SHLD1: variants seen among roughly 807,000 people sequenced by gnomAD.
The protein encoded by SHLD1 is RINN1-REV7-interacting novel NHEJ regulator 3.
Under a neutral mutation model 5.5 loss-of-function variants are expected in SHLD1, and 3 were observed. That is an observed-to-expected ratio of 0.54 (90% confidence interval 0.25 to 1.40). The LOEUF is 1.40. Among genes scored for constraint, SHLD1 ranks in the 40% most tolerant of loss-of-function variants. The pLI is 0.15. For missense variants in SHLD1, 210 were observed against 244.4 expected (o/e 0.86, Z 0.94); for synonymous variants, 92 against 94.3 (o/e 0.98, Z 0.14).
chr20:5,770,443 T>C (rs989979807), intron 1 of SHLD1, among the ~76,000 whole-genome samples: 1 of 152,214 alleles, frequency 6.6e-6, no homozygotes, highest in African/African-American at 2.4e-5. Flanking sequence ...ATGAAAGTTC[T>C]TCCAGTTCCT....
chr20:5,864,270 A>C lies in SHLD1; in HGVS notation c.*807A>C, dbSNP rs1463809481. Reference sequence around the variant, plus strand: ...GTCTTTTATCAGATTGCAAACGTGAAAGGTGAGAAGGTAACAAATGTGCAC... The same window carrying C: ...GTCTTTTATCAGATTGCAAACGTGACAGGTGAGAAGGTAACAAATGTGCAC... On this transcript the variant is annotated 3_prime_UTR_variant, in exon 3 of 3. Coordinates refer to ENST00000303142, the MANE Select transcript of SHLD1 (RefSeq NM_152504.4). Among the ~76,000 whole-genome samples, 1 of 152,250 alleles carries C rather than the reference A, an allele frequency of 6.6e-6. No individual in the cohort carries two copies.
chr20:5,784,974 A>G (rs139777450), intron 2 of SHLD1, among the ~76,000 whole-genome samples: 180 of 152,334 alleles, frequency 1.2e-3, no homozygotes, highest in African/African-American at 4.0e-3. Flanking sequence ...TGCCGAGTCC[A>G]GGTGCACAGC....
chr20:5,855,947 ACT>A lies in SHLD1; in HGVS notation c.179-7074_179-7073del, dbSNP rs2088077487. Among the ~76,000 whole-genome samples, 1 of 151,612 alleles carries A rather than the reference ACT, an allele frequency of 6.6e-6. No individual in the cohort carries two copies. The highest frequency in any genetic ancestry group is 2.1e-4 in the South Asian group (1 of 4,784). Reference sequence around the variant, plus strand: ...TCCCAGTCACTGCTGATTTCCCCATACTCTTTTTCCTCTGCTATAGTCACTAG... The same window carrying A: ...TCCCAGTCACTGCTGATTTCCCCATACTTTTTCCTCTGCTATAGTCACTAG... On this transcript the variant is annotated intron_variant, in intron 2 of 2. Coordinates refer to ENST00000303142, the MANE Select transcript of SHLD1 (RefSeq NM_152504.4). This position sits in a 1 kb window ranked among gnomAD's most constrained non-coding sequence, Gnocchi z 4.4.
chr20:5,775,217 T>A (rs1324001031), intron 2 of SHLD1, among the ~76,000 whole-genome samples: 5 of 151,896 alleles, frequency 3.3e-5, no homozygotes, highest in Non-Finnish European at 2.9e-5. Context: ...TTTTTTTTAA[T>A]TTTTTTGTAG....
intron 2 of SHLD1, among the ~76,000 whole-genome samples, chr20:5,851,240 A>G (rs2088004839): frequency 6.6e-6 from 1 of 152,190 alleles, no homozygotes; most frequent in South Asian, 2.1e-4. Context: ...AATCTCAGCT[A>G]CTTGGGAGCC....
chr20:5,816,379 G>T (rs934304184), intron 2 of SHLD1, among the ~76,000 whole-genome samples: 1 of 152,170 alleles, frequency 6.6e-6, no homozygotes, highest in Admixed American at 6.5e-5. Flanking sequence ...GCGTATATTC[G>T]GGGTTTGCCA....
intron 2 of SHLD1, among the ~76,000 whole-genome samples, chr20:5,792,177 G>A (rs1278468769): frequency 1.3e-5 from 2 of 151,986 alleles, no homozygotes; most frequent in South Asian, 4.1e-4. Flanking sequence ...TGTTGATTAT[G>A]TCCTTTGATG....
intron 2 of SHLD1, among the ~76,000 whole-genome samples, chr20:5,843,291 T>C (rs1476429104): frequency 6.6e-5 from 8 of 121,024 alleles, no homozygotes; most frequent in African/African-American, 3.5e-4. Flanking sequence ...TCAATTGTTT[T>C]TTTCTTTTTT....
chr20:5,764,186 ATATATTT>A (rs1984682518), intron 1 of SHLD1, among the ~76,000 whole-genome samples: 1 of 52,830 alleles, frequency 1.9e-5, no homozygotes. Flanking sequence ...TTTTATATAT[ATATATTT>A]TATATATATA....
chr20:5,823,052 T>G (rs1293153705), intron 2 of SHLD1, among the ~76,000 whole-genome samples: 1 of 130,554 alleles, frequency 7.7e-6, no homozygotes, highest in Non-Finnish European at 1.6e-5. Flanking sequence ...GGAACTGTGG[T>G]GTCTTTTGTC....
Position 5,831,091 on chromosome 20 carries a change from G to A in SHLD1, c.179-31933G>A, listed in dbSNP as rs76377455. Among the ~76,000 whole-genome samples, 794 of 152,296 alleles carry A rather than the reference G, an allele frequency of 5.2e-3. 2 individuals carry two copies. Among genetic ancestry groups the A allele is most frequent in the Middle Eastern group, 0.02 (6 of 294 alleles). ...CCATCCTTCTGTGCTTCACCTCTAG[G>A]TGGGTGCTTCGTGCTGGCTTATGAG... On this transcript the variant is annotated intron_variant, in intron 2 of 2. Transcript: ENST00000303142.
At chr20:5,786,529 C>T (rs1206254757) in intron 2 of SHLD1, among the ~76,000 whole-genome samples, 1 of 151,948 alleles carries the variant, frequency 6.6e-6, no homozygotes, top group Non-Finnish European at 1.5e-5. Flanking sequence ...AAGCTACAGT[C>T]GTGCCACTGC....
In SHLD1 at chr20:5,754,606, A is replaced by G. The variant is rs78160837; in HGVS notation, c.-5+4127A>G. ...TAACACAGCATCAGGAGGTCCTGAG[A>G]ACTTGTGCCCAAGGTAGTTAGATTA... On this transcript the variant is annotated intron_variant, in intron 1 of 2. Coordinates refer to ENST00000303142, the MANE Select transcript of SHLD1 (RefSeq NM_152504.4). 3.9e-3 allele frequency among the ~76,000 whole-genome samples: 598 copies of G among 152,306 alleles called. 1 individual carries two copies. The highest frequency in any genetic ancestry group is 0.014 in the African/African-American group (577 of 41,556).
At chr20:5,849,892 G>A (rs111756878) in intron 2 of SHLD1, among the ~76,000 whole-genome samples, 2,817 of 147,108 alleles carry the variant, frequency 0.019, 68 homozygotes, top group East Asian at 0.1. Flanking sequence ...CCGGGAAGCG[G>A]AGCTTGCAGT....
chr20:5,791,213 A>C (rs2087134086), intron 2 of SHLD1, among the ~76,000 whole-genome samples: 1 of 151,208 alleles, frequency 6.6e-6, no homozygotes, highest in South Asian at 2.1e-4. Flanking sequence ...ATCAATTATA[A>C]GTTCTCTTGA....
At chr20:5,857,500 T>G (rs189963297) in intron 2 of SHLD1, among the ~76,000 whole-genome samples, 3,104 of 152,240 alleles carry the variant, frequency 0.02, 54 homozygotes, top group Middle Eastern at 0.044. Flanking sequence ...ATCCTGATAC[T>G]TTTTCATTTT....
intron 2 of SHLD1, among the ~76,000 whole-genome samples, chr20:5,860,591 A>AG (rs1349902462): frequency 5.9e-5 from 9 of 152,090 alleles, no homozygotes; most frequent in East Asian, 3.9e-4. Flanking sequence ...GTTTAAAAAA[A>AG]GTTTTTTTTT....
At chr20:5,818,658 A>G (rs1044680419) in intron 2 of SHLD1, among the ~76,000 whole-genome samples, 4 of 152,118 alleles carry the variant, frequency 2.6e-5, no homozygotes, top group African/African-American at 4.8e-5. Flanking sequence ...TGTCTCCCCA[A>G]ATGGGGGCCT....
chr20:5,860,313 T>TGAAA (rs2088144740), intron 2 of SHLD1, among the ~76,000 whole-genome samples: 1 of 152,040 alleles, frequency 6.6e-6, no homozygotes, highest in African/African-American at 2.4e-5. Context: ...AGGAAGTTTT[T>TGAAA]ACATCTATCC....
Sources: allele counts gnomAD v4.1 joint callset (sites outside exome capture counted in the v4.1 genomes callset), GRCh38; gene constraint gnomAD v4.1.1; non-coding constraint Gnocchi (gnomAD v3.1); transcripts MANE v1.5; gene names NCBI Gene and HGNC (gene_info 2026-07-23, HGNC 2026-07-21).